Variants in INPP5D observed in about 807,000 individuals in gnomAD.
The protein encoded by INPP5D is inositol polyphosphate-5-phosphatase D, also known as phosphatidylinositol 3,4,5-trisphosphate 5-phosphatase 1.
INPP5D carries 33 observed loss-of-function variants against 122.9 expected under a neutral mutation model. The ratio of observed to expected loss-of-function variants is 0.27; its 90% CI spans 0.20 to 0.36. INPP5D has a LOEUF of 0.36. Ranked by LOEUF, INPP5D falls within the 10% of genes least tolerant of loss-of-function variation. INPP5D has a pLI of 1.00. For synonymous variants in INPP5D, 584 were observed against 576.2 expected, an observed-to-expected ratio of 1.01 and a Z score of -0.19; for missense variants, 1,053 against 1,412.7, an observed-to-expected ratio of 0.75 and a Z score of 4.08.
chr2:233,114,920 T>C (rs1266525842), intron 2 of INPP5D, among the ~76,000 whole-genome samples: 1 of 151,990 alleles, frequency 6.6e-6, no homozygotes, highest in Non-Finnish European at 1.5e-5. Context: ...CAGGCTGGAC[T>C]GCAATGGCAC....
intron 1 of INPP5D, among the ~76,000 whole-genome samples, chr2:233,068,574 G>A (rs1034731451): frequency 7.2e-5 from 11 of 151,910 alleles, no homozygotes; most frequent in East Asian, 1.9e-4. Flanking sequence ...CAGCCTGGGC[G>A]ACAGAGCTAG....
chr2:233,098,936 TTTTATTTATTTATTTA>T (rs57540040), intron 2 of INPP5D, among the ~76,000 whole-genome samples: 1 of 145,986 alleles, frequency 6.8e-6, no homozygotes, highest in Non-Finnish European at 1.5e-5. Flanking sequence ...GGAACTTTAT[TTTTATTTATTTATTTA>T]TTTATTTATT....
intron 8 of INPP5D, among the ~76,000 whole-genome samples, chr2:233,146,924 A>G (rs915613956): frequency 6.6e-6 from 1 of 152,176 alleles, no homozygotes; most frequent in African/African-American, 2.4e-5. Flanking sequence ...TCAGGAATCC[A>G]GTGTGAGACC....
chr2:233,165,469 CATGT>C (rs1312327094), intron 13 of INPP5D, among the ~76,000 whole-genome samples: 2 of 145,102 alleles, frequency 1.4e-5, no homozygotes, highest in African/African-American at 5.1e-5. Context: ...TGTGTCCATG[CATGT>C]GTTTGTGAGT....
rs965021165 is a variant in INPP5D, at chr2:233,113,824, C to T, written c.199-8283C>T. On this transcript the variant is annotated intron_variant, in intron 2 of 26. Coordinates refer to ENST00000445964, the MANE Select transcript of INPP5D (RefSeq NM_001017915.3). ...GGACGCCCAGCGTCCACACCGTAGC[C>T]GAGGTGATAGTTCTAAAATGTAAAT... 1.1e-4 allele frequency among the ~76,000 whole-genome samples: 17 copies of T among 152,034 alleles called. 1 individual carries two copies. Among genetic ancestry groups the T allele is most frequent in the Admixed American group, 9.8e-4 (15 of 15,262 alleles).
At chr2:233,202,789 C>T (rs1231452147) in intron 25 of INPP5D, among the ~76,000 whole-genome samples, 1 of 152,226 alleles carries the variant, frequency 6.6e-6, no homozygotes, top group African/African-American at 2.4e-5. Context: ...AGGAAATCAC[C>T]TCCAGTCAGA....
At chr2:233,123,057 G>A (rs1207896615) in intron 3 of INPP5D, among the ~76,000 whole-genome samples, 1 of 152,194 alleles carries the variant, frequency 6.6e-6, no homozygotes, top group African/African-American at 2.4e-5. Context: ...GGAGAGTGAA[G>A]GAGGAGACCC....
At chr2:233,090,308 T>G (rs1434652525) in intron 2 of INPP5D, among the ~76,000 whole-genome samples, 1 of 152,204 alleles carries the variant, frequency 6.6e-6, no homozygotes, top group East Asian at 1.9e-4. Context: ...AAATATTGAA[T>G]TAATCCATAC....
intron 9 of INPP5D, among the ~76,000 whole-genome samples, chr2:233,153,508 T>C (rs570941710): frequency 1.3e-5 from 2 of 152,138 alleles, no homozygotes; most frequent in South Asian, 4.1e-4. Context: ...GAGTCACTTG[T>C]AGGAACCAAA....
chr2:233,133,121 T>A (rs1693375936), intron 5 of INPP5D, among the ~76,000 whole-genome samples: 1 of 151,984 alleles, frequency 6.6e-6, no homozygotes, highest in Non-Finnish European at 1.5e-5. Context: ...TTTGTAGAGA[T>A]GGGGTTTTGC....
At chr2:233,080,744 C>A (rs1691663235) in intron 2 of INPP5D, among the ~76,000 whole-genome samples, 1 of 152,068 alleles carries the variant, frequency 6.6e-6, no homozygotes, top group African/African-American at 2.4e-5. Flanking sequence ...TGTGGGGAGA[C>A]CACAGGCAAG....
At chr2:233,166,493 C>G (rs561621834) in intron 13 of INPP5D, among the ~76,000 whole-genome samples, 2 of 152,170 alleles carry the variant, frequency 1.3e-5, no homozygotes, top group Admixed American at 1.3e-4. Context: ...AAGGGCAGTG[C>G]GACTGGCATC....
intron 2 of INPP5D, among the ~76,000 whole-genome samples, chr2:233,080,108 T>C (rs1481276542): frequency 6.6e-6 from 1 of 152,064 alleles, no homozygotes; most frequent in African/African-American, 2.4e-5. Context: ...TTTTGTATTT[T>C]TGGTACAGAT....
rs768417879 is a variant in INPP5D at position 233,122,241 on chromosome 2, C to T, written c.333C>T (p.Asp111=). The change falls in exon 3 of 27, where the codon GAC becomes GAT. Residue 111 remains aspartate (D), a synonymous_variant. Transcript: ENST00000445964. ...VPLEEEDTGD[D]PEEDTVESVV... ...TGGAGGAAGAGGACACAGGCGACGACCCTGAGGAGGACACAGGTAGGGAGG... is the reference window on the plus strand; with the variant it reads ...TGGAGGAAGAGGACACAGGCGACGATCCTGAGGAGGACACAGGTAGGGAGG... 1 of 1,613,688 alleles carries T rather than the reference C, an allele frequency of 6.2e-7. No homozygotes were observed. Among genetic ancestry groups the T allele is most frequent in the African/African-American group, 1.3e-5 (1 of 75,008 alleles).
chr2:233,142,871 C>G lies in INPP5D; in HGVS notation c.753+2942C>G, dbSNP rs1054729143. The stretch of plus-strand genomic sequence containing the variant: ...TGGTGACATTTGGGACTGGATTGTT[C>G]TCTGTCGTGGAGGACTCCTGTGCAC... On this transcript the variant is annotated intron_variant, in intron 6 of 26. Coordinates refer to ENST00000445964, the MANE Select transcript of INPP5D (RefSeq NM_001017915.3). 9.4e-4 allele frequency among the ~76,000 whole-genome samples: 143 copies of G among 152,254 alleles called. 1 individual carries two copies. In the South Asian group the frequency reaches 0.029, roughly 31 times the overall value.
At chr2:233,095,776 G>A (rs1050707813) in intron 2 of INPP5D, among the ~76,000 whole-genome samples, 1 of 151,812 alleles carries the variant, frequency 6.6e-6, no homozygotes, top group Non-Finnish European at 1.5e-5. Flanking sequence ...AGTACCAAAG[G>A]AAATACATAG....
intron 2 of INPP5D, among the ~76,000 whole-genome samples, chr2:233,103,235 C>A (rs549142238): frequency 6.6e-6 from 1 of 152,196 alleles, no homozygotes; most frequent in Non-Finnish European, 1.5e-5. Flanking sequence ...CAAATCTCTG[C>A]TGCACAAAGA....
chr2:233,178,123 T>G (rs921141043), intron 18 of INPP5D, among the ~76,000 whole-genome samples: 2 of 152,140 alleles, frequency 1.3e-5, no homozygotes, highest in Non-Finnish European at 2.9e-5. Flanking sequence ...TGGAATAAGT[T>G]ATCAAAACAA....
rs1470804204 is a variant in INPP5D, at chr2:233,183,111, AG to A, written c.2161+613del. On this transcript the variant is annotated intron_variant, in intron 19 of 26. Transcript: ENST00000445964. The surrounding 1 kb of genome is among the most constrained non-coding windows in gnomAD (Gnocchi z 4.6). ...TTGCAGGTAATTTTTCAAATAATCC[AG>A]CTCAGCCCTGGTTGCCAGGCCACCC... Among the ~76,000 whole-genome samples the A allele has an allele frequency of 6.6e-6, 1 of 152,156 alleles. No homozygotes were observed. Among genetic ancestry groups the A allele is most frequent in the Non-Finnish European group, 1.5e-5 (1 of 68,030 alleles).
Sources: gnomAD v4.1 joint callset for allele counts (sites outside exome capture counted in the v4.1 genomes callset) on GRCh38, gnomAD v4.1.1 for gene constraint, Gnocchi (gnomAD v3.1) non-coding constraint, MANE v1.5 for transcripts, NCBI Gene and HGNC (gene_info 2026-07-23, HGNC 2026-07-21) for gene names.